The following PTPRM variants were observed in gnomAD, a reference collection of about 807,000 sequenced individuals.
PTPRM encodes receptor-type tyrosine-protein phosphatase mu.
PTPRM carries 47 observed loss-of-function variants against 186.7 expected under a neutral mutation model. That is an observed-to-expected ratio of 0.25 (90% CI 0.20 to 0.32). PTPRM has a LOEUF of 0.32. Among genes scored for constraint, PTPRM ranks in the 10% least tolerant of loss-of-function variants. The pLI is 1.00. For missense variants in PTPRM, 1,494 were observed against 1,865.0 expected, an observed-to-expected ratio of 0.80 and a Z score of 3.66; for synonymous variants, 668 against 674.9, an observed-to-expected ratio of 0.99 and a Z score of 0.16.
chr18:8,109,238 A>G (rs1000139423), intron 11 of PTPRM, among the ~76,000 whole-genome samples: 7 of 152,198 alleles, frequency 4.6e-5, no homozygotes, highest in African/African-American at 1.2e-4. Flanking sequence ...AATTATGGCA[A>G]TTGGGCAGCA....
intron 7 of PTPRM, among the ~76,000 whole-genome samples, chr18:8,033,723 C>G (rs534365921): frequency 6.6e-6 from 1 of 152,112 alleles, no homozygotes; most frequent in Non-Finnish European, 1.5e-5. Context: ...TCTATCAAAC[C>G]GAAAAGTTTG....
At chr18:7,648,255 C>A (rs963485291) in intron 1 of PTPRM, among the ~76,000 whole-genome samples, 1 of 152,094 alleles carries the variant, frequency 6.6e-6, no homozygotes, top group Non-Finnish European at 1.5e-5. Context: ...CTTTTCACTC[C>A]TCTGCTGCTG....
intron 23 of PTPRM, among the ~76,000 whole-genome samples, chr18:8,350,612 T>C (rs2095529310): frequency 6.6e-6 from 1 of 152,234 alleles, no homozygotes; most frequent in African/African-American, 2.4e-5. Flanking sequence ...CAGTGCTGCA[T>C]TAATTTTTAT....
At chr18:7,687,785 T>A (rs2039637621) in intron 1 of PTPRM, among the ~76,000 whole-genome samples, 1 of 151,824 alleles carries the variant, frequency 6.6e-6, no homozygotes, top group African/African-American at 2.4e-5. Flanking sequence ...AAGATTTTTT[T>A]TTTTTTTTTT....
chr18:7,926,482 G>C (rs1309177599), intron 4 of PTPRM, 86 bp from the exon 5 acceptor site: 2 of 975,506 alleles, frequency 2.1e-6, no homozygotes, highest in Non-Finnish European at 2.9e-6. Context: ...AAATTGAAAG[G>C]CCAAAAATTT....
intron 3 of PTPRM, among the ~76,000 whole-genome samples, chr18:7,898,212 G>A (rs2049468566): frequency 6.6e-6 from 1 of 152,180 alleles, no homozygotes; most frequent in Non-Finnish European, 1.5e-5. Context: ...AAATGGGTGT[G>A]ACCCACCTTT....
intron 2 of PTPRM, among the ~76,000 whole-genome samples, chr18:7,887,480 T>C (rs1462920715): frequency 1.3e-5 from 2 of 152,190 alleles, no homozygotes; most frequent in African/African-American, 4.8e-5. Flanking sequence ...GGTGGGGTAC[T>C]GGTGCTGAAG....
At chr18:7,920,940 T>G (rs1297179396) in intron 4 of PTPRM, among the ~76,000 whole-genome samples, 3 of 152,202 alleles carry the variant, frequency 2.0e-5, no homozygotes, top group African/African-American at 7.2e-5. Context: ...CACTCCTGTT[T>G]TCATTGAGTT....
At chr18:7,795,874 G>A (rs895443843) in intron 2 of PTPRM, among the ~76,000 whole-genome samples, 55 of 147,560 alleles carry the variant, frequency 3.7e-4, no homozygotes, top group Middle Eastern at 3.6e-3. Context: ...AAATTCAGTG[G>A]CAAGATTATA....
intron 1 of PTPRM, among the ~76,000 whole-genome samples, chr18:7,769,222 A>G (rs1165047665): frequency 1.3e-5 from 2 of 151,930 alleles, no homozygotes; most frequent in African/African-American, 4.8e-5. Context: ...AGTTTGGGAG[A>G]TACTATCCTG....
At chr18:8,098,100 G>T (rs1035401954) in intron 11 of PTPRM, among the ~76,000 whole-genome samples, 1 of 152,164 alleles carries the variant, frequency 6.6e-6, no homozygotes, top group African/African-American at 2.4e-5. Flanking sequence ...CAGCCTAGGG[G>T]TGTAGTAGGC....
intron 7 of PTPRM, among the ~76,000 whole-genome samples, chr18:7,978,287 A>T (rs2055092747): frequency 6.6e-6 from 1 of 152,236 alleles, no homozygotes; most frequent in Non-Finnish European, 1.5e-5. Context: ...ATAAGCTGAC[A>T]GGGTTATTCA....
chr18:8,049,678 C>T (rs1299337481), intron 7 of PTPRM, among the ~76,000 whole-genome samples: 4 of 149,098 alleles, frequency 2.7e-5, no homozygotes, highest in Non-Finnish European at 5.9e-5. Context: ...ATACTGGGAT[C>T]TTGACCATGT....
intron 2 of PTPRM, among the ~76,000 whole-genome samples, chr18:7,881,541 A>G (rs1166233386): frequency 6.6e-6 from 1 of 152,208 alleles, no homozygotes; most frequent in East Asian, 1.9e-4. Context: ...TTTGAAGGTA[A>G]AAACTTTGCA....
At chr18:8,392,358 C>T (rs965619760) in intron 31 of PTPRM, among the ~76,000 whole-genome samples, 4 of 152,162 alleles carry the variant, frequency 2.6e-5, no homozygotes, top group African/African-American at 4.8e-5. Flanking sequence ...GGCGCGGTGG[C>T]TCACACCTGT....
intron 4 of PTPRM, among the ~76,000 whole-genome samples, chr18:7,908,254 A>G (rs928647281): frequency 6.6e-6 from 1 of 152,172 alleles, no homozygotes. Context: ...CAGACTTCAA[A>G]TTTTTGGCCA....
intron 13 of PTPRM, among the ~76,000 whole-genome samples, chr18:8,135,160 G>A (rs541617113): frequency 6.6e-6 from 1 of 152,122 alleles, no homozygotes; most frequent in Non-Finnish European, 1.5e-5. Flanking sequence ...ACAATTCAGA[G>A]TGTCTTCCAA....
intron 1 of PTPRM, among the ~76,000 whole-genome samples, chr18:7,641,190 A>G (rs1262146577): frequency 3.3e-5 from 5 of 152,072 alleles, no homozygotes; most frequent in African/African-American, 7.2e-5. Flanking sequence ...GTCAACCTAT[A>G]TCTTCCTTCT....
chr18:8,141,051 C>G (rs1001510536), intron 13 of PTPRM, among the ~76,000 whole-genome samples: 1 of 152,030 alleles, frequency 6.6e-6, no homozygotes, highest in Non-Finnish European at 1.5e-5. Context: ...CACATGTTCC[C>G]AAAGCAATAA....
Sources: allele counts gnomAD v4.1 joint callset (sites outside exome capture counted in the v4.1 genomes callset), GRCh38; gene constraint gnomAD v4.1.1; transcripts MANE v1.5; gene names NCBI Gene and HGNC (gene_info 2026-07-23, HGNC 2026-07-21).